The following INTS6 variants were observed in gnomAD, a reference collection of about 807,000 sequenced individuals.
The protein encoded by INTS6 is integrator complex subunit 6, also known as DEAD box protein.
Under a neutral mutation model 104.9 loss-of-function variants are expected in INTS6, and 16 were observed. The ratio of observed to expected loss-of-function variants is 0.15; its 90% CI spans 0.10 to 0.23. The LOEUF (loss-of-function observed/expected upper bound fraction) is 0.23. Among genes scored for constraint, INTS6 ranks in the 10% least tolerant of loss-of-function variants. The pLI, the probability that INTS6 is intolerant of heterozygous loss-of-function variation, is 1.00. For missense variants in INTS6, 584 were observed against 1,062.8 expected (o/e 0.55, Z 6.26); for synonymous variants, 324 against 358.7 (o/e 0.90, Z 1.09).
chr13:51,448,860 A>C (rs892775174), intron 3 of INTS6: 3 of 152,334 alleles, frequency 2.0e-5, no homozygotes, highest in East Asian at 3.9e-4. Flanking sequence ...GAAAGGGGAA[A>C]TACTTATGTA....
chr13:51,336,677 TTCCTGCTTA>T, the INTS6 span, among the ~76,000 whole-genome samples: 3 of 152,120 alleles, frequency 2.0e-5, no homozygotes, highest in African/African-American at 7.2e-5. Flanking sequence ...CTTTCAGCCT[TTCCTGCTTA>T]TCAGGCACCA....
At chr13:51,431,337 C>A (rs1423654351) in intron 3 of INTS6, among the ~76,000 whole-genome samples, 3 of 152,152 alleles carry the variant, frequency 2.0e-5, no homozygotes, top group Non-Finnish European at 4.4e-5. Context: ...AAATGTAGAA[C>A]TGTGTATGAC....
intron 3 of INTS6, chr13:51,438,975 CTGT>C (rs1441690206): frequency 3.3e-5 from 5 of 152,150 alleles, no homozygotes; most frequent in Admixed American, 2.6e-4. Flanking sequence ...CAGAATAATT[CTGT>C]TATTAGATAT....
At chr13:51,439,357 T>G (rs1195205717) in intron 3 of INTS6, 1 of 152,224 alleles carries the variant, frequency 6.6e-6, no homozygotes, top group African/African-American at 2.4e-5. Context: ...GACTAATCAC[T>G]AGACTGACAT....
chr13:51,430,639 T>A (rs1957073809), intron 3 of INTS6, among the ~76,000 whole-genome samples: 1 of 152,202 alleles, frequency 6.6e-6, no homozygotes, highest in Non-Finnish European at 1.5e-5. Flanking sequence ...ATTGCTTTCA[T>A]TTTTAGAGGG....
chr13:51,374,715 A>G lies in INTS6; in HGVS notation c.1811T>C (p.Leu604Pro). The change falls in exon 14 of 18, where the codon CTT becomes CCT. Residue 604 changes from leucine (L) to proline (P), a missense_variant. Transcript: ENST00000311234. Reference sequence around the variant, plus strand: ...CAACCTTCGTGGCTGATCAGGATCAAGTTCTCTTAGTGGAGAAGGTACTTG... The same window carrying G: ...CAACCTTCGTGGCTGATCAGGATCAGGTTCTCTTAGTGGAGAAGGTACTTG... ...LKQVPSPLRE[L>P]DPDQPRRLHT... 6.2e-7 allele frequency: 1 copy of G among 1,613,520 alleles called. No individual in the cohort carries two copies. The highest frequency in any genetic ancestry group is 8.5e-7 in the Non-Finnish European group (1 of 1,179,962).
At chr13:51,337,728 T>C in the INTS6 span, among the ~76,000 whole-genome samples, 29 of 152,222 alleles carry the variant, frequency 1.9e-4, no homozygotes, top group African/African-American at 6.8e-4. Flanking sequence ...TGAGGATTCA[T>C]TGCAATTGTG....
At chr13:51,437,069 A>G (rs538413299) in intron 3 of INTS6, 1 of 152,324 alleles carries the variant, frequency 6.6e-6, no homozygotes, top group African/African-American at 2.4e-5. Context: ...CTGGGTAATA[A>G]TAACTTGGGA....
At position 51,364,362 on chromosome 13, in the gene INTS6, A is replaced by C; in HGVS notation, c.*1390T>G. 2 of 758,248 alleles carry C rather than the reference A, an allele frequency of 2.6e-6. No individual in the cohort carries two copies. The highest frequency in any genetic ancestry group is 4.1e-6 in the Non-Finnish European group (2 of 491,570). 47.0% of individuals were successfully genotyped at this position (758,248 alleles called of 1,614,324 possible). ...TTGCTATACCCTTGAAATTTAAAAA[A>C]ATGTCTGATAAAGTGTAAAAAGCTA... is the stretch of plus-strand genomic sequence containing the variant. On this transcript the variant is annotated 3_prime_UTR_variant, in exon 18 of 18. Coordinates refer to ENST00000311234, the MANE Select transcript of INTS6 (RefSeq NM_012141.3).
intron 4 of INTS6, among the ~76,000 whole-genome samples, chr13:51,399,712 G>C (rs1355310203): frequency 6.7e-6 from 1 of 148,196 alleles, no homozygotes; most frequent in Non-Finnish European, 1.5e-5. Flanking sequence ...TTGTGGGTGT[G>C]TGTGTGTGTG....
Position 51,452,278 on chromosome 13 carries a change from C to G in INTS6, c.111+137G>C. 1 of 904,016 alleles carries G rather than the reference C, an allele frequency of 1.1e-6. No homozygotes were observed. The highest frequency in any genetic ancestry group is 1.4e-6 in the Non-Finnish European group (1 of 716,656). 56.0% of individuals were successfully genotyped at this position (904,016 alleles called of 1,614,324 possible). On this transcript the variant is annotated intron_variant, in intron 1 of 17. Coordinates refer to ENST00000311234, the MANE Select transcript of INTS6 (RefSeq NM_012141.3). This position sits in a 1 kb window ranked among gnomAD's most constrained non-coding sequence, Gnocchi z 4.2. ...GGCTCGCAGCGCCCGCCCGCCCGCG[C>G]GGTGGGGGAGGGGGTCCCCGAGCCC...
rs775918483 is a variant in INTS6 at position 51,452,539 on chromosome 13, G to T, written c.-14C>A. The T allele has an allele frequency of 4.6e-5, 74 of 1,609,424 alleles. No individual in the cohort carries two copies. The highest frequency in any genetic ancestry group is 8.4e-5 in the Admixed American group (5 of 59,852). ...TAAGATGGGCATAGTGCTGGCCGGG[G>T]ACACCGGGGCCCGAGGTGGTGGAGA... On this transcript the variant is annotated 5_prime_UTR_variant, in exon 1 of 18. Coordinates refer to ENST00000311234, the MANE Select transcript of INTS6 (RefSeq NM_012141.3). The surrounding 1 kb of genome is among the most constrained non-coding windows in gnomAD (Gnocchi z 4.2).
At chr13:51,356,195 A>G (rs1466561874) in intron 3 of INTS6, among the ~76,000 whole-genome samples, 1 of 152,184 alleles carries the variant, frequency 6.6e-6, no homozygotes. Flanking sequence ...GCAAAGCAAT[A>G]GTCAAGTTTG....
chr13:51,423,103 T>C (rs774490714), intron 4 of INTS6: 1 of 1,253,336 alleles, frequency 8.0e-7, no homozygotes, highest in Non-Finnish European at 1.0e-6. Context: ...AGAACATAAA[T>C]ATAGAACTAA....
At chr13:51,373,618 C>T (rs1955858515) in intron 15 of INTS6, among the ~76,000 whole-genome samples, 1 of 152,216 alleles carries the variant, frequency 6.6e-6, no homozygotes, top group Non-Finnish European at 1.5e-5. Flanking sequence ...TGCCTCTGCA[C>T]ATACTATTGC....
chr13:51,414,231 T>C (rs1943685669), intron 4 of INTS6, among the ~76,000 whole-genome samples: 4 of 152,086 alleles, frequency 2.6e-5, no homozygotes, highest in African/African-American at 2.4e-5. Context: ...CCCTAGACAA[T>C]AGCTTAGAGC....
At chr13:51,334,608 C>T in the INTS6 span, among the ~76,000 whole-genome samples, 6 of 151,930 alleles carry the variant, frequency 3.9e-5, no homozygotes, top group African/African-American at 9.7e-5. Context: ...AAATTTATTT[C>T]GAGAATTAAT....
chr13:51,389,186 C>T, intron 6 of INTS6, 133 bp downstream of exon 6: 1 of 826,266 alleles, frequency 1.2e-6, no homozygotes, highest in Non-Finnish European at 1.9e-6. Context: ...AATCTTCCCT[C>T]TTTACCAACA....
At chr13:51,444,013 T>C (rs1020368927) in intron 3 of INTS6, 2 of 152,230 alleles carry the variant, frequency 1.3e-5, no homozygotes, top group African/African-American at 2.4e-5. Context: ...TAATTATCGA[T>C]ATTCTCCTAT....
Sources: gnomAD v4.1 joint callset for allele counts (sites outside exome capture counted in the v4.1 genomes callset) on GRCh38, gnomAD v4.1.1 for gene constraint, Gnocchi (gnomAD v3.1) non-coding constraint, MANE v1.5 for transcripts, NCBI Gene and HGNC (gene_info 2026-07-23, HGNC 2026-07-21) for gene names.